Variants in IQCM observed in about 807,000 individuals in gnomAD.
IQCM encodes IQ motif containing M.
In IQCM, 45 loss-of-function variants were observed where a neutral mutation model predicts 57.6. The ratio of observed to expected loss-of-function variants is 0.78; its 90% CI spans 0.62 to 1.00. The LOEUF (loss-of-function observed/expected upper bound fraction) is 1.00, where lower values mean the gene tolerates loss of function less well. Among genes scored for constraint, IQCM ranks in the 50% least tolerant of loss-of-function variants. The pLI is 0.00. For missense variants in IQCM, 468 were observed against 511.6 expected (o/e 0.91, Z 0.82); for synonymous variants, 148 against 158.9 (o/e 0.93, Z 0.51).
At chr4:149,471,036 C>T (rs1257704531) in intron 12 of IQCM, among the ~76,000 whole-genome samples, 1 of 152,038 alleles carries the variant, frequency 6.6e-6, no homozygotes, top group East Asian at 1.9e-4. Flanking sequence ...AAAATTGACA[C>T]CCTAACATCA....
At chr4:149,375,661 CA>C (rs952442368) in intron 13 of IQCM, among the ~76,000 whole-genome samples, 10 of 152,172 alleles carry the variant, frequency 6.6e-5, no homozygotes, top group Non-Finnish European at 1.5e-5. Flanking sequence ...ATATGAACTA[CA>C]ATTATCATTG....
At chr4:149,661,086 G>A (rs988883310) in intron 7 of IQCM, among the ~76,000 whole-genome samples, 4 of 151,978 alleles carry the variant, frequency 2.6e-5, no homozygotes, top group East Asian at 1.9e-4. Flanking sequence ...TGGTGTTAGC[G>A]GTGTGTTTGT....
At chr4:149,730,553 A>C (rs1278923382) in intron 5 of IQCM, among the ~76,000 whole-genome samples, 1 of 152,204 alleles carries the variant, frequency 6.6e-6, no homozygotes, top group South Asian at 2.1e-4. Context: ...AATTCTGTCA[A>C]AAACATCATA....
chr4:149,773,116 C>T (rs1180125239), intron 2 of IQCM, among the ~76,000 whole-genome samples: 1 of 152,154 alleles, frequency 6.6e-6, no homozygotes, highest in East Asian at 1.9e-4. Flanking sequence ...CTTTGGGAGG[C>T]CGAGGCGGGT....
chr4:149,705,677 C>T (rs1764103331), intron 5 of IQCM, among the ~76,000 whole-genome samples: 1 of 151,922 alleles, frequency 6.6e-6, no homozygotes, highest in African/African-American at 2.4e-5. Flanking sequence ...CCTGCACACA[C>T]ATAATTCTAG....
chr4:149,770,629 A>T (rs1370131695), intron 2 of IQCM, among the ~76,000 whole-genome samples: 1 of 152,108 alleles, frequency 6.6e-6, no homozygotes, highest in African/African-American at 2.4e-5. Flanking sequence ...AATAAAATAT[A>T]ATGAATGTAA....
intron 2 of IQCM, among the ~76,000 whole-genome samples, chr4:149,766,411 A>G (rs532404746): frequency 1.3e-5 from 2 of 152,116 alleles, no homozygotes; most frequent in Admixed American, 6.6e-5. Flanking sequence ...AAATTTCCCA[A>G]TTGACCACTT....
At chr4:149,505,482 T>C (rs745905749) in intron 12 of IQCM, among the ~76,000 whole-genome samples, 3 of 152,222 alleles carry the variant, frequency 2.0e-5, no homozygotes, top group African/African-American at 7.2e-5. Flanking sequence ...CCAAAACTTG[T>C]ATTTTTTAAA....
chr4:149,673,328 A>G (rs1761469250), intron 7 of IQCM, among the ~76,000 whole-genome samples: 1 of 152,236 alleles, frequency 6.6e-6, no homozygotes, highest in South Asian at 2.1e-4. Context: ...ACAGACTGGC[A>G]AATTGGATAA....
chr4:149,641,702 T>C (rs1052592369), intron 7 of IQCM, among the ~76,000 whole-genome samples: 1 of 152,158 alleles, frequency 6.6e-6, no homozygotes, highest in Non-Finnish European at 1.5e-5. Flanking sequence ...ATTTAGAACA[T>C]TAAAATTATC....
intron 12 of IQCM, among the ~76,000 whole-genome samples, chr4:149,489,750 T>C (rs1210291728): frequency 6.6e-6 from 1 of 151,830 alleles, no homozygotes; most frequent in Non-Finnish European, 1.5e-5. Context: ...AGGATATCTC[T>C]ATAATTCAAT....
At position 149,581,933 on chromosome 4, in the gene IQCM, G is replaced by A. The variant is rs552628867; in HGVS notation, c.749+5997C>T. 2.0e-5 allele frequency among the ~76,000 whole-genome samples: 3 copies of A among 151,710 alleles called. No homozygotes were observed. The South Asian group carries it at 6.2e-4, about 31-fold the overall frequency. ...TCTGTGTGTGTGTATGTGAGGAGAA[G>A]GGGAGGGGCAAGGTGCTTTCTGCCT... On this transcript the variant is annotated intron_variant, in intron 9 of 13. Transcript: ENST00000636793.
intron 2 of IQCM, among the ~76,000 whole-genome samples, chr4:149,798,843 T>C (rs967918140): frequency 6.6e-6 from 1 of 151,918 alleles, no homozygotes. Flanking sequence ...GCAAATATTA[T>C]TGGAGCTGGA....
At chr4:149,494,948 A>G (rs1023805148) in intron 12 of IQCM, among the ~76,000 whole-genome samples, 1 of 152,116 alleles carries the variant, frequency 6.6e-6, no homozygotes, top group African/African-American at 2.4e-5. Flanking sequence ...GAAACCACTC[A>G]TGGTCTACTG....
Position 149,412,503 on chromosome 4 carries a change from T to C in IQCM, c.1390+20893A>G, listed in dbSNP as rs1049141259. On this transcript the variant is annotated intron_variant, in intron 13 of 13. Transcript: ENST00000636793. ...TACTGTTGGTTATAAGCAGTAGTAG[T>C]ACCTCTGTAGTACAATCTCACATTT... is the stretch of plus-strand genomic sequence containing the variant. 3.9e-5 allele frequency among the ~76,000 whole-genome samples: 6 copies of C among 152,128 alleles called. No individual in the cohort carries two copies. In the East Asian group the frequency reaches 1.2e-3, roughly 29 times the overall value.
intron 2 of IQCM, among the ~76,000 whole-genome samples, chr4:149,792,941 A>G (rs1312266680): frequency 6.6e-6 from 1 of 152,208 alleles, no homozygotes; most frequent in Admixed American, 6.6e-5. Flanking sequence ...ACATCTCAGC[A>G]CGGGAACAAT....
chr4:149,353,054 T>C (rs13129512), intron 13 of IQCM, among the ~76,000 whole-genome samples: 1 of 152,158 alleles, frequency 6.6e-6, no homozygotes, highest in East Asian at 1.9e-4. Context: ...GGTTAATGTA[T>C]CTCCATATTG....
chr4:149,579,765 G>A (rs1752002582), intron 9 of IQCM, among the ~76,000 whole-genome samples: 1 of 151,802 alleles, frequency 6.6e-6, no homozygotes, highest in African/African-American at 2.4e-5. Context: ...TGACTTGGAG[G>A]TATATGAGGG....
intron 13 of IQCM, among the ~76,000 whole-genome samples, chr4:149,356,363 T>A (rs1258501806): frequency 1.3e-5 from 2 of 152,136 alleles, no homozygotes; most frequent in African/African-American, 4.8e-5. Flanking sequence ...TCTTCTAGGG[T>A]TTTTATGGTT....
Sources: gnomAD v4.1 joint callset for allele counts (sites outside exome capture counted in the v4.1 genomes callset) on GRCh38, gnomAD v4.1.1 for gene constraint, MANE v1.5 for transcripts, NCBI Gene and HGNC (gene_info 2026-07-23, HGNC 2026-07-21) for gene names.